The following CCL28 variants were observed in gnomAD, a reference collection of about 807,000 sequenced individuals.
The protein encoded by CCL28 is C-C motif chemokine 28.
A neutral mutation model predicts 7.1 loss-of-function variants in CCL28; 4 were observed. That is an observed-to-expected ratio of 0.56 (90% CI 0.28 to 1.29). The LOEUF (loss-of-function observed/expected upper bound fraction) is 1.29. Among genes scored for constraint, CCL28 ranks in the 50% most tolerant of loss-of-function variants. CCL28 has a pLI of 0.11. For synonymous variants in CCL28, 55 were observed against 57.8 expected (o/e 0.95, Z 0.22); for missense variants, 151 against 163.4 (o/e 0.92, Z 0.41).
chr5:43,408,874 T>C (rs946778164), intron 1 of CCL28, among the ~76,000 whole-genome samples: 1 of 149,056 alleles, frequency 6.7e-6, no homozygotes. Flanking sequence ...GGTAATTTTA[T>C]TTTTTTGGTA....
chr5:43,401,952 T>G (rs1260460213), intron 1 of CCL28, among the ~76,000 whole-genome samples: 1 of 152,196 alleles, frequency 6.6e-6, no homozygotes, highest in African/African-American at 2.4e-5. Flanking sequence ...ATCAGGTTCC[T>G]GTAGACCCAG....
downstream of CCL28, among the ~76,000 whole-genome samples, chr5:43,378,172 G>T (rs188464229): frequency 4.0e-3 from 606 of 152,242 alleles, 9 homozygotes; most frequent in African/African-American, 0.012. Flanking sequence ...GTGAGACCCT[G>T]TCTCTACAGA....
intron 1 of CCL28, among the ~76,000 whole-genome samples, chr5:43,391,637 T>A (rs553820507): frequency 6.6e-6 from 1 of 152,344 alleles, no homozygotes; most frequent in South Asian, 2.1e-4. Flanking sequence ...CCTTCAGTCT[T>A]ATTTTTAAGT....
intron 2 of CCL28, among the ~76,000 whole-genome samples, chr5:43,386,443 G>A (rs1394945987): frequency 6.6e-6 from 1 of 152,142 alleles, no homozygotes; most frequent in African/African-American, 2.4e-5. Flanking sequence ...TGAGCCAATG[G>A]AGCCACGTGG....
the CCL28 span, among the ~76,000 whole-genome samples, chr5:43,363,985 GA>G: frequency 6.6e-6 from 1 of 152,126 alleles, no homozygotes; most frequent in Non-Finnish European, 1.5e-5. Flanking sequence ...TAGAGAAAAA[GA>G]AAAAGTGGCT....
At chr5:43,382,908 T>C (rs1306179064) in intron 2 of CCL28, among the ~76,000 whole-genome samples, 1 of 152,090 alleles carries the variant, frequency 6.6e-6, no homozygotes, top group Non-Finnish European at 1.5e-5. Context: ...AACTTCCGTC[T>C]CCCGGGTTCA....
At chr5:43,377,632 A>G (rs1264646262), downstream of CCL28, 1 of 150,116 alleles carries the variant, frequency 6.7e-6, no homozygotes, top group Non-Finnish European at 1.5e-5. Flanking sequence ...CACTGGGATG[A>G]GGAGAAAGAA....
At chr5:43,409,770 T>G (rs1283390122) in intron 1 of CCL28, among the ~76,000 whole-genome samples, 1 of 152,028 alleles carries the variant, frequency 6.6e-6, no homozygotes, top group Non-Finnish European at 1.5e-5. Flanking sequence ...TTAATCTTAA[T>G]GTACAATAAA....
the CCL28 span, among the ~76,000 whole-genome samples, chr5:43,363,038 C>T: frequency 7.9e-5 from 12 of 152,286 alleles, no homozygotes; most frequent in South Asian, 1.7e-3. Context: ...CCAGTCAATT[C>T]ATTGCAAATC....
downstream of CCL28, among the ~76,000 whole-genome samples, chr5:43,374,013 T>C (rs1417411262): frequency 6.6e-6 from 1 of 152,244 alleles, no homozygotes; most frequent in Non-Finnish European, 1.5e-5. Context: ...TTAACATAGT[T>C]TCCTAGGCCA....
At chr5:43,400,007 G>A (rs1024837856) in intron 1 of CCL28, among the ~76,000 whole-genome samples, 12 of 151,954 alleles carry the variant, frequency 7.9e-5, no homozygotes, top group African/African-American at 2.7e-4. Context: ...CACTATGCCT[G>A]GCTAATTTTT....
Position 43,412,299 on chromosome 5 carries a change from G to C in CCL28, c.18C>G (p.Leu6=), listed in dbSNP as rs761593376. 1 of 1,612,912 alleles carries C rather than the reference G, an allele frequency of 6.2e-7. No individual in the cohort carries two copies. The highest frequency in any genetic ancestry group is 1.7e-4 in the Middle Eastern group (1 of 6,060). Residue 6 remains leucine (L), a synonymous_variant, in exon 1 of 3, where the codon CTC becomes CTG. Coordinates refer to ENST00000361115, the MANE Select transcript of CCL28 (RefSeq NM_148672.3). The stretch of plus-strand genomic sequence containing the variant: ...CACAGACAGCCAAGGCCACGATGGC[G>C]AGTCCTCTCTGCTGCATTCCTGCCT... MQQRG[L]AIVALAVCAA... is the part of the protein sequence containing the mutation.
intron 2 of CCL28, among the ~76,000 whole-genome samples, chr5:43,387,273 G>A (rs1435551365): frequency 6.6e-6 from 1 of 152,180 alleles, no homozygotes; most frequent in African/African-American, 2.4e-5. Context: ...TGCAATTCAC[G>A]AGCTGTACAC....
intron 1 of CCL28, among the ~76,000 whole-genome samples, chr5:43,404,200 T>A (rs1473532873): frequency 6.6e-6 from 1 of 151,990 alleles, no homozygotes; most frequent in Non-Finnish European, 1.5e-5. Flanking sequence ...CTGAGACACA[T>A]AATTGTCAGA....
chr5:43,379,093 T>C (rs1237946550), downstream of CCL28: 1 of 152,246 alleles, frequency 6.6e-6, no homozygotes, highest in East Asian at 1.9e-4. Flanking sequence ...CTGTCATTCA[T>C]AGCTGCCCAA....
downstream of CCL28, chr5:43,377,525 AAAG>A (rs1233362405): frequency 6.6e-6 from 1 of 150,396 alleles, no homozygotes; most frequent in Non-Finnish European, 1.5e-5. Flanking sequence ...AAGAAAGAAA[AAAG>A]AAAAAGTTAT....
the CCL28 span, among the ~76,000 whole-genome samples, chr5:43,363,737 G>A: frequency 6.6e-6 from 1 of 152,332 alleles, no homozygotes; most frequent in Non-Finnish European, 1.5e-5. Context: ...TCAGATTAGA[G>A]TGTTGGTACC....
chr5:43,408,061 C>T (rs1334806038), intron 1 of CCL28, among the ~76,000 whole-genome samples: 1 of 152,228 alleles, frequency 6.6e-6, no homozygotes, highest in Non-Finnish European at 1.5e-5. Flanking sequence ...ACTAGTTCAA[C>T]AATTGTGGAA....
chr5:43,357,583 C>A, the CCL28 span, among the ~76,000 whole-genome samples: 1 of 152,064 alleles, frequency 6.6e-6, no homozygotes, highest in African/African-American at 2.4e-5. Context: ...CTCCCAAATT[C>A]TTCTCCTTAT....
Sources: gnomAD v4.1 joint callset for allele counts (sites outside exome capture counted in the v4.1 genomes callset) on GRCh38, gnomAD v4.1.1 for gene constraint, MANE v1.5 for transcripts, NCBI Gene and HGNC (gene_info 2026-07-23, HGNC 2026-07-21) for gene names.